Variants in ADAMTS18 observed in about 807,000 individuals in gnomAD.
ADAMTS18 encodes A disintegrin and metalloproteinase with thrombospondin motifs 18.
ADAMTS18 carries 157 observed loss-of-function variants against 165.9 expected under a neutral mutation model. That is an observed-to-expected ratio of 0.95 (90% CI 0.83 to 1.08). The LOEUF (loss-of-function observed/expected upper bound fraction) is 1.08, where lower values mean the gene tolerates loss of function less well. ADAMTS18 is among the 50% of genes least tolerant of loss of function. The pLI is 0.00. For synonymous variants in ADAMTS18, 782 were observed against 578.2 expected, an observed-to-expected ratio of 1.35 and a Z score of -5.06; for missense variants, 2,040 against 1,534.0, an observed-to-expected ratio of 1.33 and a Z score of -5.51.
intron 3 of ADAMTS18, among the ~76,000 whole-genome samples, chr16:77,389,154 A>G (rs1489234180): frequency 2.0e-5 from 3 of 152,158 alleles, no homozygotes; most frequent in African/African-American, 7.2e-5. Flanking sequence ...ACAAAAAATT[A>G]GCGAGGCATG....
intron 3 of ADAMTS18, among the ~76,000 whole-genome samples, chr16:77,416,151 T>G (rs1316557247): frequency 1.3e-5 from 2 of 152,022 alleles, no homozygotes; most frequent in African/African-American, 4.8e-5. Context: ...AATGACAGTA[T>G]TTGCATAGGG....
chr16:77,291,399 G>GA lies in ADAMTS18; in HGVS notation c.3268_3269insT (p.Thr1090IlefsTer9). ...ATTACGGCATCTTCGCTCTGGGAAAGTTATCAGCTTTCCCTGGAAGCCCTT... is the reference window on the plus strand; with the variant it reads ...ATTACGGCATCTTCGCTCTGGGAAAGATTATCAGCTTTCCCTGGAAGCCCTT... On this transcript the variant is annotated frameshift_variant, in exon 21 of 23. Transcript: ENST00000282849. LOFTEE classifies it high-confidence loss of function. The GA allele has an allele frequency of 6.2e-7, 1 of 1,614,144 alleles. No homozygotes were observed. The highest frequency in any genetic ancestry group is 8.5e-7 in the Non-Finnish European group (1 of 1,180,012).
intron 10 of ADAMTS18, among the ~76,000 whole-genome samples, chr16:77,352,372 A>C (rs887319634): frequency 1.3e-5 from 2 of 152,184 alleles, no homozygotes; most frequent in Admixed American, 1.3e-4. Context: ...AGTGACTGGT[A>C]CCAGTCACCG....
chr16:77,426,302 G>A (rs532658977), intron 3 of ADAMTS18, among the ~76,000 whole-genome samples: 1 of 151,928 alleles, frequency 6.6e-6, no homozygotes, highest in Non-Finnish European at 1.5e-5. Flanking sequence ...CCATTGTGTT[G>A]ATGTTTTTCA....
chr16:77,371,079 G>T (rs2056869505), intron 3 of ADAMTS18, among the ~76,000 whole-genome samples: 1 of 152,098 alleles, frequency 6.6e-6, no homozygotes, highest in African/African-American at 2.4e-5. Context: ...GCCAGGTGTG[G>T]TGGTGCATGC....
intron 16 of ADAMTS18, among the ~76,000 whole-genome samples, chr16:77,302,699 A>G (rs1250708164): frequency 1.3e-5 from 2 of 152,196 alleles, no homozygotes; most frequent in Admixed American, 1.3e-4. Flanking sequence ...TTGCCTTTTG[A>G]GCTTCTAGGA....
intron 10 of ADAMTS18, among the ~76,000 whole-genome samples, chr16:77,353,441 C>G (rs2056584430): frequency 6.6e-6 from 1 of 152,118 alleles, no homozygotes; most frequent in Admixed American, 6.5e-5. Flanking sequence ...CAGTGATTAG[C>G]AGCAGGTACA....
intron 11 of ADAMTS18, 68 bp downstream of exon 11, chr16:77,341,636 T>C (rs2056398873): frequency 7.8e-7 from 1 of 1,286,802 alleles, no homozygotes; most frequent in Non-Finnish European, 1.1e-6. Context: ...AAGGTCACAA[T>C]ACAAACAGTT....
intron 3 of ADAMTS18, among the ~76,000 whole-genome samples, chr16:77,378,352 A>C (rs201287146): frequency 0.33 from 16,714 of 51,122 alleles, 982 homozygotes; most frequent in East Asian, 0.43. Context: ...AAAAAAAACA[A>C]AAAAAAAAAA....
intron 16 of ADAMTS18, among the ~76,000 whole-genome samples, chr16:77,306,934 G>C (rs7199634): frequency 0.3 from 45,376 of 151,988 alleles, 7,393 homozygotes; most frequent in East Asian, 0.62. Flanking sequence ...CTCAAGCTTT[G>C]AAACACCAAG....
At chr16:77,427,574 T>C (rs2057689338) in intron 3 of ADAMTS18, among the ~76,000 whole-genome samples, 1 of 152,216 alleles carries the variant, frequency 6.6e-6, no homozygotes, top group South Asian at 2.1e-4. Flanking sequence ...TCCTAGCACC[T>C]TCACAGATTA....
chr16:77,305,949 C>T lies in ADAMTS18; in HGVS notation c.2533-5545G>A, dbSNP rs928332211. Among the ~76,000 whole-genome samples the T allele has an allele frequency of 7.2e-5, 11 of 152,176 alleles. 1 individual carries two copies. The highest frequency in any genetic ancestry group is 9.7e-5 in the African/African-American group (4 of 41,442). ...TTTCGGTGACCATGTCAAGAGTAGTCCATTGCTTTTCTCAGCATTCCTGGA... is the reference window on the plus strand; with the variant it reads ...TTTCGGTGACCATGTCAAGAGTAGTTCATTGCTTTTCTCAGCATTCCTGGA... On this transcript the variant is annotated intron_variant, in intron 16 of 22. Coordinates refer to ENST00000282849, the MANE Select transcript of ADAMTS18 (RefSeq NM_199355.4).
intron 6 of ADAMTS18, among the ~76,000 whole-genome samples, chr16:77,363,064 C>T (rs2650908): frequency 0.54 from 81,612 of 151,956 alleles, 22,417 homozygotes; most frequent in Non-Finnish European, 0.59. Context: ...ATGTTTTTTA[C>T]TGGCGTTACA....
intron 3 of ADAMTS18, among the ~76,000 whole-genome samples, chr16:77,402,750 G>C (rs1469591426): frequency 6.6e-6 from 1 of 152,100 alleles, no homozygotes; most frequent in Non-Finnish European, 1.5e-5. Context: ...CCTCCAAAAA[G>C]CAAAGTTTTG....
intron 16 of ADAMTS18, among the ~76,000 whole-genome samples, chr16:77,310,116 T>C (rs1003002475): frequency 6.6e-6 from 1 of 152,228 alleles, no homozygotes; most frequent in South Asian, 2.1e-4. Flanking sequence ...GGCTGGGTTC[T>C]GGTCCCTTCA....
At chr16:77,340,371 C>T (rs1230638894) in intron 11 of ADAMTS18, among the ~76,000 whole-genome samples, 2 of 152,078 alleles carry the variant, frequency 1.3e-5, no homozygotes, top group African/African-American at 2.4e-5. Context: ...CCCAAGGTTT[C>T]ACCACGTTGG....
intron 16 of ADAMTS18, among the ~76,000 whole-genome samples, chr16:77,312,296 G>C (rs2055797540): frequency 1.3e-5 from 2 of 151,866 alleles, no homozygotes; most frequent in African/African-American, 4.8e-5. Context: ...GAGTGCAATG[G>C]CACGGTCTTG....
intron 10 of ADAMTS18, among the ~76,000 whole-genome samples, chr16:77,349,791 C>T (rs993783846): frequency 3.9e-5 from 6 of 152,212 alleles, no homozygotes; most frequent in South Asian, 2.1e-4. Context: ...AAATATACAC[C>T]GATCCTGCTA....
At chr16:77,417,568 G>C (rs2057546722) in intron 3 of ADAMTS18, among the ~76,000 whole-genome samples, 2 of 152,176 alleles carry the variant, frequency 1.3e-5, no homozygotes, top group Non-Finnish European at 1.5e-5. Flanking sequence ...CTATGCAGAT[G>C]GAAGAATTAG....
Sources: gnomAD v4.1 joint callset for allele counts (sites outside exome capture counted in the v4.1 genomes callset) on GRCh38, gnomAD v4.1.1 for gene constraint, MANE v1.5 for transcripts, NCBI Gene and HGNC (gene_info 2026-07-23, HGNC 2026-07-21) for gene names.